Variants in CDC42 observed in about 807,000 individuals in gnomAD.
The protein encoded by CDC42 is cell division cycle 42.
Under a neutral mutation model 20.8 loss-of-function variants are expected in CDC42, and 1 was observed. The ratio of observed to expected loss-of-function variants is 0.05; its 90% CI spans 0.02 to 0.23. The LOEUF (loss-of-function observed/expected upper bound fraction) is 0.23. CDC42 is among the 10% of genes least tolerant of loss of function. The pLI is 1.00. For missense variants in CDC42, 49 were observed against 227.9 expected (o/e 0.21, Z 5.05); for synonymous variants, 72 against 84.8 (o/e 0.85, Z 0.83).
chr1:22,064,666 T>C lies in CDC42; in HGVS notation c.-51+11924T>C, dbSNP rs563049631. On this transcript the variant is annotated intron_variant, in intron 1 of 5. Coordinates refer to ENST00000656825, the MANE Select transcript of CDC42 (RefSeq NM_001791.4). ...TGATGGAGTTTAGAACACAGCCTGCTATAGAAGATTGCCTAGAGAAGATTC... is the reference window on the plus strand; with the variant it reads ...TGATGGAGTTTAGAACACAGCCTGCCATAGAAGATTGCCTAGAGAAGATTC... Among the ~76,000 whole-genome samples, 3 of 148,890 alleles carry C rather than the reference T, an allele frequency of 2.0e-5. No homozygotes were observed. The South Asian group carries it at 6.4e-4, about 32-fold the overall frequency.
At chr1:22,080,840 A>G (rs1645599491) in intron 2 of CDC42, among the ~76,000 whole-genome samples, 1 of 152,210 alleles carries the variant, frequency 6.6e-6, no homozygotes, top group Non-Finnish European at 1.5e-5. Context: ...GTCTTAGATC[A>G]TGCAGTTTGT....
intron 1 of CDC42, among the ~76,000 whole-genome samples, chr1:22,069,664 G>A (rs1217046393): frequency 8.2e-6 from 1 of 122,422 alleles, no homozygotes. Flanking sequence ...ATGGGATTTT[G>A]TCATGTTGCC....
At chr1:22,073,538 C>CAA (rs879917377) in intron 1 of CDC42, among the ~76,000 whole-genome samples, 3 of 92,358 alleles carry the variant, frequency 3.2e-5, no homozygotes, top group African/African-American at 8.3e-5. Flanking sequence ...AACTCTGTCT[C>CAA]AAAAAAAAAA....
chr1:22,097,880 G>A lies in CDC42; in HGVS notation c.*6363G>A, dbSNP rs147149338. On this transcript the variant is annotated 3_prime_UTR_variant, in exon 6 of 6. Transcript: ENST00000656825. ...TTAATGCAGTGTCATAGTCTCATAGGTGATTTCCCCAAAAGCAAATAAATG... is the reference window on the plus strand; with the variant it reads ...TTAATGCAGTGTCATAGTCTCATAGATGATTTCCCCAAAAGCAAATAAATG... Among the ~76,000 whole-genome samples the A allele has an allele frequency of 3.3e-5, 5 of 152,342 alleles. No individual in the cohort carries two copies. The East Asian group carries it at 9.6e-4, about 29-fold the overall frequency.
At chr1:22,073,807 C>T (rs1645518732) in intron 1 of CDC42, among the ~76,000 whole-genome samples, 1 of 118,192 alleles carries the variant, frequency 8.5e-6, no homozygotes, top group Admixed American at 9.0e-5. Context: ...GTGTGTGCCA[C>T]TTCACCCAGC....
chr1:22,086,410 A>C, intron 3 of CDC42, 29 bp from the exon 4 acceptor site: 10 of 1,436,916 alleles, frequency 7.0e-6, no homozygotes, highest in South Asian at 1.2e-5. Flanking sequence ...CAGTTGCTGA[A>C]TTCTCTCCAA....
At chr1:22,079,952 C>A (rs1057315169) in intron 2 of CDC42, among the ~76,000 whole-genome samples, 3 of 152,014 alleles carry the variant, frequency 2.0e-5, no homozygotes, top group Non-Finnish European at 2.9e-5. Flanking sequence ...TTAAATGAAC[C>A]GATTTAGGTA....
chr1:22,064,448 G>A (rs770749160), intron 1 of CDC42, among the ~76,000 whole-genome samples: 16 of 151,248 alleles, frequency 1.1e-4, no homozygotes, highest in South Asian at 2.1e-4. Flanking sequence ...GTGCATCATC[G>A]TGCCTGCTAA....
Position 22,094,103 on chromosome 1 carries a change from C to T in CDC42, c.*2586C>T, listed in dbSNP as rs950301333. On this transcript the variant is annotated 3_prime_UTR_variant, in exon 6 of 6. Coordinates refer to ENST00000656825, the MANE Select transcript of CDC42 (RefSeq NM_001791.4). Reference sequence around the variant, plus strand: ...CATTTAAATATTGTTTTCTATTTGACGTAACAAACTTGCTTATAGTCGTGG... The same window carrying T: ...CATTTAAATATTGTTTTCTATTTGATGTAACAAACTTGCTTATAGTCGTGG... 6.6e-6 allele frequency among the ~76,000 whole-genome samples: 1 copy of T among 151,862 alleles called. No individual in the cohort carries two copies. Among genetic ancestry groups the T allele is most frequent in the Non-Finnish European group, 1.5e-5 (1 of 67,948 alleles).
intron 1 of CDC42, chr1:22,068,949 G>A (rs1645452539): frequency 6.6e-6 from 1 of 152,156 alleles, no homozygotes; most frequent in Non-Finnish European, 1.5e-5. Flanking sequence ...TATGTAGGGG[G>A]TGATGCTTGT....
chr1:22,090,299 A>G, intron 5 of CDC42: 4 of 1,134,478 alleles, frequency 3.5e-6, no homozygotes, highest in Non-Finnish European at 1.1e-6. Flanking sequence ...TTACTATTGC[A>G]AAAGGGAACT....
At chr1:22,055,333 TTCTTC>T (rs1645293198) in intron 1 of CDC42, among the ~76,000 whole-genome samples, 1 of 149,354 alleles carries the variant, frequency 6.7e-6, no homozygotes, top group Non-Finnish European at 1.5e-5. Context: ...TTTCAGTAAT[TTCTTC>T]AAGACCAGAA....
chr1:22,085,065 C>G (rs1026718371), intron 3 of CDC42, among the ~76,000 whole-genome samples: 1 of 151,840 alleles, frequency 6.6e-6, no homozygotes, highest in South Asian at 2.1e-4. Flanking sequence ...AACCCTGTGT[C>G]TACTAAAAAT....
intron 5 of CDC42, chr1:22,090,284 T>A: frequency 1.7e-6 from 2 of 1,169,724 alleles, no homozygotes; most frequent in Non-Finnish European, 2.1e-6. Context: ...GCTTTTTGGT[T>A]TGGATTACTA....
At chr1:22,078,818 T>C in intron 2 of CDC42, 1 of 1,427,846 alleles carries the variant, frequency 7.0e-7, no homozygotes, top group Non-Finnish European at 9.3e-7. Flanking sequence ...AAAACTCCAG[T>C]AGACAAGATT....
At chr1:22,071,046 C>CTTTTTTTTTTTTTTTT (rs10684040) in intron 1 of CDC42, among the ~76,000 whole-genome samples, 3 of 125,282 alleles carry the variant, frequency 2.4e-5, no homozygotes, top group African/African-American at 3.0e-5. Flanking sequence ...TTTTTTCTTT[C>CTTTTTTTTTTTTTTTT]TTTTTTTTTT....
In CDC42 at chr1:22,076,376, T is replaced by G. The variant is rs541854959; in HGVS notation, c.-50-2053T>G. The stretch of plus-strand genomic sequence containing the variant: ...TGGAGGCTGAGGCAGGATAATCGCT[T>G]GAACCCGGGAGGCAGAGGTTGCAGT... On this transcript the variant is annotated intron_variant, in intron 1 of 5. Coordinates refer to ENST00000656825, the MANE Select transcript of CDC42 (RefSeq NM_001791.4). Among the ~76,000 whole-genome samples, 81 of 152,166 alleles carry G rather than the reference T, an allele frequency of 5.3e-4. 4 individuals are homozygous for G. The South Asian group carries it at 0.016, about 30-fold the overall frequency.
At chr1:22,072,139 C>G (rs1645499638) in intron 1 of CDC42, among the ~76,000 whole-genome samples, 1 of 136,164 alleles carries the variant, frequency 7.3e-6, no homozygotes, top group African/African-American at 2.7e-5. Context: ...GCTCTGTTGC[C>G]CAGGCTGGAG....
rs1400293124 is a variant in CDC42, at chr1:22,078,600, C to T, written c.105+17C>T. 8 of 1,582,214 alleles carry T rather than the reference C, an allele frequency of 5.1e-6. No individual in the cohort carries two copies. Among genetic ancestry groups the T allele is most frequent in the Non-Finnish European group, 6.0e-6 (7 of 1,157,582 alleles). ...GTACCGACTGTAAGTATAAAGGCTT[C>T]CTTCTGTTAGTAAAATGTTGTAAAA... is the stretch of plus-strand genomic sequence containing the variant. On this transcript the variant is annotated intron_variant, in intron 2 of 5. Transcript: ENST00000656825.
Sources: gnomAD v4.1 joint callset for allele counts (sites outside exome capture counted in the v4.1 genomes callset) on GRCh38, gnomAD v4.1.1 for gene constraint, MANE v1.5 for transcripts, NCBI Gene and HGNC (gene_info 2026-07-23, HGNC 2026-07-21) for gene names.